Variants in TTLL6 observed in about 807,000 individuals in gnomAD.
TTLL6 encodes tubulin tyrosine ligase like 6, also known as tubulin polyglutamylase TTLL6.
Under a neutral mutation model 96.4 loss-of-function variants are expected in TTLL6, and 75 were observed. The observed-to-expected ratio is 0.78, with a 90% CI of 0.65 to 0.94. TTLL6 has a LOEUF of 0.94. TTLL6 is among the 40% of genes least tolerant of loss of function. The probability of loss-of-function intolerance (pLI) is 0.00; values close to 1 mark genes in which losing one functional copy is unlikely to be tolerated. For missense variants in TTLL6, 1,030 were observed against 1,093.0 expected (o/e 0.94, Z 0.81); for synonymous variants, 411 against 419.4 (o/e 0.98, Z 0.24).
chr17:48,795,768 T>C (rs2039305789), intron 8 of TTLL6, among the ~76,000 whole-genome samples: 1 of 152,180 alleles, frequency 6.6e-6, no homozygotes, highest in African/African-American at 2.4e-5. Flanking sequence ...GGGCCAACTG[T>C]AATAAGGGTA....
Position 48,779,996 on chromosome 17 carries a change from G to GAT in TTLL6, c.2040+4925_2040+4926dup, listed in dbSNP as rs575118818. 1.8e-4 allele frequency among the ~76,000 whole-genome samples: 27 copies of GAT among 151,970 alleles called. No homozygotes were observed. In the South Asian group the frequency reaches 5.4e-3, roughly 30 times the overall value. On this transcript the variant is annotated intron_variant, in intron 13 of 15. Transcript: ENST00000393382. ...AAATGTTCGTATCATGATATATCAT[G>GAT]ATAGCATGTAGGTTATAGGGTACAT...
At chr17:48,803,483 C>T (rs1050551674) in intron 3 of TTLL6, among the ~76,000 whole-genome samples, 1 of 55,158 alleles carries the variant, frequency 1.8e-5, no homozygotes, top group African/African-American at 6.5e-5. Context: ...GATTCCGTGT[C>T]AAAAAAAAAA....
chr17:48,786,112 G>T (rs1385023417), intron 12 of TTLL6, 52 bp downstream of exon 12: 1 of 1,609,112 alleles, frequency 6.2e-7, no homozygotes, highest in East Asian at 2.2e-5. Flanking sequence ...CACGGATCAG[G>T]CCCAGGTGGG....
rs951016918 is a variant in TTLL6 at position 48,768,969 on chromosome 17, G to C, written c.*20C>G. On this transcript the variant is annotated intron_variant, in intron 15 of 15. Coordinates refer to ENST00000393382, the MANE Select transcript of TTLL6 (RefSeq NM_001130918.3). The stretch of plus-strand genomic sequence containing the variant: ...CCTGCCAACGCACCAAATTCATTAA[G>C]GGAATATGTGTGGGCCTACCTAGCT... The C allele has an allele frequency of 6.2e-7, 1 of 1,607,298 alleles. No homozygotes were observed. Among genetic ancestry groups the C allele is most frequent in the Non-Finnish European group, 8.5e-7 (1 of 1,174,942 alleles).
At chr17:48,800,613 G>A (rs1176657201) in intron 5 of TTLL6, among the ~76,000 whole-genome samples, 2 of 152,156 alleles carry the variant, frequency 1.3e-5, no homozygotes, top group Non-Finnish European at 2.9e-5. Context: ...GGAGAGGGGA[G>A]GGTAGAATTC....
chr17:48,809,663 C>A (rs368436240), intron 1 of TTLL6, among the ~76,000 whole-genome samples: 1 of 151,598 alleles, frequency 6.6e-6, no homozygotes, highest in Non-Finnish European at 1.5e-5. Flanking sequence ...GTTCAAAACC[C>A]GCCTGGGCAA....
chr17:48,809,025 C>T (rs2039544313), intron 1 of TTLL6, among the ~76,000 whole-genome samples: 1 of 152,126 alleles, frequency 6.6e-6, no homozygotes, highest in Non-Finnish European at 1.5e-5. Flanking sequence ...TAATTATAAG[C>T]TTTTATGTGG....
chr17:48,775,520 C>CTAT (rs369248868), intron 13 of TTLL6, among the ~76,000 whole-genome samples: 9,068 of 143,100 alleles, frequency 0.063, 365 homozygotes, highest in African/African-American at 0.11. Flanking sequence ...CAACATCCAT[C>CTAT]TATTATTATT....
intron 8 of TTLL6, among the ~76,000 whole-genome samples, chr17:48,792,761 C>A (rs956038426): frequency 3.3e-5 from 5 of 152,170 alleles, no homozygotes; most frequent in African/African-American, 4.8e-5. Context: ...ACCTCCTCCA[C>A]CTGCCATTGT....
In TTLL6 at chr17:48,790,118, A is replaced by G. The variant is rs758666636; in HGVS notation, c.1225-12T>C. Reference sequence around the variant, plus strand: ...GGAGAGTGGTTGACCTGTGAGGGCAAGATTGGCAGCTGGTGACAAAGCCGT... The same window carrying G: ...GGAGAGTGGTTGACCTGTGAGGGCAGGATTGGCAGCTGGTGACAAAGCCGT... On this transcript the variant is annotated splice_polypyrimidine_tract_variant and intron_variant, in intron 9 of 15. Coordinates refer to ENST00000393382, the MANE Select transcript of TTLL6 (RefSeq NM_001130918.3). 6.2e-7 allele frequency: 1 copy of G among 1,612,210 alleles called. No individual in the cohort carries two copies. The highest frequency in any genetic ancestry group is 2.2e-5 in the East Asian group (1 of 44,838).
intron 6 of TTLL6, 37 bp from the exon 7 acceptor site, chr17:48,797,241 G>C: frequency 6.6e-7 from 1 of 1,524,150 alleles, no homozygotes; most frequent in Non-Finnish European, 8.8e-7. Context: ...ATGCATTAGA[G>C]GAGAAATTTA....
intron 6 of TTLL6, 150 bp from the exon 7 acceptor site, chr17:48,797,354 G>A (rs2039335520): frequency 1.2e-6 from 1 of 834,044 alleles, no homozygotes; most frequent in East Asian, 2.7e-5. Flanking sequence ...AGAGGAACAA[G>A]GAGACTTGGG....
intron 11 of TTLL6, 59 bp downstream of exon 11, chr17:48,787,752 A>C (rs1395617749): frequency 3.3e-6 from 5 of 1,523,520 alleles, no homozygotes; most frequent in Non-Finnish European, 4.5e-6. Context: ...CAGTCAGCCA[A>C]TAGATCACAC....
chr17:48,777,954 A>G (rs1042944529), intron 13 of TTLL6, among the ~76,000 whole-genome samples: 9 of 152,034 alleles, frequency 5.9e-5, no homozygotes, highest in African/African-American at 1.4e-4. Flanking sequence ...CCTGAGGTAC[A>G]TGAAAATCTC....
chr17:48,799,937 G>A (rs2039381287), intron 5 of TTLL6, 177 bp from the exon 6 acceptor site: 2 of 600,904 alleles, frequency 3.3e-6, no homozygotes, highest in Non-Finnish European at 5.8e-6. Flanking sequence ...GGGGAGTGTG[G>A]GCTTCAGAGG....
At position 48,769,931 on chromosome 17, in the gene TTLL6, G is replaced by A. The variant is rs1476934484; in HGVS notation, c.2207C>T (p.Thr736Ile). The change falls in exon 14 of 16, where the codon ACC (threonine) becomes ATC (isoleucine). Residue 736 changes from threonine to isoleucine, a missense_variant. Coordinates refer to ENST00000393382, the MANE Select transcript of TTLL6 (RefSeq NM_001130918.3). Reference sequence around the variant, plus strand: ...AAAAGATTTTAACATTTTCTTCTGGGTTAAGTGTGGAGGGGTCTGCTGCTT... The same window carrying A: ...AAAAGATTTTAACATTTTCTTCTGGATTAAGTGTGGAGGGGTCTGCTGCTT... ...CKKQQTPPHL[T>I]QKKMLKSFLP... 1 of 1,614,150 alleles carries A rather than the reference G, an allele frequency of 6.2e-7. No individual in the cohort carries two copies. The highest frequency in any genetic ancestry group is 8.5e-7 in the Non-Finnish European group (1 of 1,180,034).
At position 48,810,821 on chromosome 17, in the gene TTLL6, GTGTGTA is replaced by G. The variant is rs1567738247; in HGVS notation, c.104-5836_104-5831del. Among the ~76,000 whole-genome samples the G allele has an allele frequency of 7.6e-4, 39 of 51,628 alleles. 2 individuals are homozygous for G. The highest frequency in any genetic ancestry group is 6.8e-3 in the Admixed American group (29 of 4,250). 33.9% of individuals were successfully genotyped at this position (51,628 alleles called of 152,430 possible). A position where few individuals can be genotyped will look rare whatever the true frequency, so the allele number is the denominator to read the frequency against. The stretch of plus-strand genomic sequence containing the variant: ...ACATATATACACATATATAGTATGT[GTGTGTA>G]TATATATATATATATATATATATAT... On this transcript the variant is annotated intron_variant, in intron 1 of 15. Transcript: ENST00000393382.
rs200636277 is a variant in TTLL6, at chr17:48,769,674, C to T, written c.2410+54G>A. 9.5e-6 allele frequency: 15 copies of T among 1,572,924 alleles called. No homozygotes were observed. In the East Asian group the frequency reaches 1.1e-4, roughly 12 times the overall value. ...CCCCAAAGATTAGGACTGGTTCTAT[C>T]GGTCCCTCTCCCCTTTAAGCTCCTG... is the stretch of plus-strand genomic sequence containing the variant. On this transcript the variant is annotated intron_variant, in intron 14 of 15. Coordinates refer to ENST00000393382, the MANE Select transcript of TTLL6 (RefSeq NM_001130918.3).
At chr17:48,781,020 A>G (rs1430297528) in intron 13 of TTLL6, among the ~76,000 whole-genome samples, 3 of 151,454 alleles carry the variant, frequency 2.0e-5, no homozygotes, top group Non-Finnish European at 4.4e-5. Context: ...CAGGAGTGGG[A>G]TGGTTAGATT....
Sources: allele counts gnomAD v4.1 joint callset (sites outside exome capture counted in the v4.1 genomes callset), GRCh38; gene constraint gnomAD v4.1.1; transcripts MANE v1.5; gene names NCBI Gene and HGNC (gene_info 2026-07-23, HGNC 2026-07-21).